Variants in DLC1 observed in about 807,000 individuals in gnomAD.
DLC1 encodes the protein DLC1 Rho GTPase activating protein.
DLC1 carries 54 observed loss-of-function variants against 140.3 expected under a neutral mutation model. The ratio of observed to expected loss-of-function variants is 0.38; its 90% CI spans 0.31 to 0.48. DLC1 has a LOEUF of 0.48. Ranked by LOEUF, DLC1 falls within the 20% of genes least tolerant of loss-of-function variation. The pLI is 0.96. For synonymous variants in DLC1, 986 were observed against 728.1 expected (o/e 1.35, Z -5.70); for missense variants, 2,536 against 1,907.0 (o/e 1.33, Z -6.14).
At chr8:13,134,237 A>C (rs1002846978) in intron 5 of DLC1, among the ~76,000 whole-genome samples, 3 of 152,180 alleles carry the variant, frequency 2.0e-5, no homozygotes, top group Non-Finnish European at 4.4e-5. Flanking sequence ...GATTCCATGA[A>C]AATTTACTTC....
At chr8:13,599,323 A>G (rs1246931360) in intron 1 of DLC1, among the ~76,000 whole-genome samples, 1 of 152,034 alleles carries the variant, frequency 6.6e-6, no homozygotes, top group Non-Finnish European at 1.5e-5. Context: ...CATGTGCCAT[A>G]GAACAATAAT....
rs372027498 is a variant in DLC1 at position 13,094,874 on chromosome 8, G to C, written c.3411C>G (p.Asn1137Lys). Residue 1137 changes from asparagine (N) to lysine (K), a missense_variant, in exon 12 of 18, where the codon AAC becomes AAG. Physicochemically the swap from Asn to Lys is moderately conservative, Grantham distance 94. Transcript: ENST00000276297. ...QMNEGAIDCVNYEGQSAYDVA... is the reference protein window; with the variant it reads ...QMNEGAIDCVKYEGQSAYDVA... ...CGTCATAAGCAGACTGTCCTTCGTA[G>C]TTGACACAGTCTATGGCACCTTCAT... is the stretch of plus-strand genomic sequence containing the variant. 3.0e-5 allele frequency: 48 copies of C among 1,614,214 alleles called. No individual in the cohort carries two copies. The Admixed American group carries it at 3.3e-4, about 11-fold the overall frequency.
chr8:13,545,317 C>CTATA (rs199529541), intron 1 of DLC1, among the ~76,000 whole-genome samples: 3 of 148,592 alleles, frequency 2.0e-5, no homozygotes, highest in Non-Finnish European at 4.5e-5. Context: ...ATATATGCTA[C>CTATA]TATATATATA....
intron 5 of DLC1, chr8:13,214,626 C>A: frequency 1.3e-6 from 1 of 779,710 alleles, no homozygotes; most frequent in Non-Finnish European, 2.4e-6. Flanking sequence ...ACACACCGGC[C>A]TAGGTGATGT....
At chr8:13,496,249 TTATAAA>T (rs1277621542) in intron 2 of DLC1, among the ~76,000 whole-genome samples, 1 of 151,470 alleles carries the variant, frequency 6.6e-6, no homozygotes, top group Non-Finnish European at 1.5e-5. Context: ...GTGAAAAACT[TTATAAA>T]TATTTGTTCA....
intron 2 of DLC1, among the ~76,000 whole-genome samples, chr8:13,466,173 A>T (rs900096965): frequency 1.3e-5 from 2 of 152,132 alleles, no homozygotes; most frequent in Non-Finnish European, 1.5e-5. Context: ...CCCCATGGGA[A>T]TCCTGCTTAG....
chr8:13,119,637 G>C (rs1305256759), intron 5 of DLC1, among the ~76,000 whole-genome samples: 5 of 152,106 alleles, frequency 3.3e-5, no homozygotes, highest in African/African-American at 1.2e-4. Flanking sequence ...AGATAGAGAA[G>C]TAACCACCTC....
At chr8:13,447,625 G>A (rs529742327) in intron 2 of DLC1, among the ~76,000 whole-genome samples, 4 of 152,200 alleles carry the variant, frequency 2.6e-5, no homozygotes, top group South Asian at 4.1e-4. Context: ...GGTAATAAAC[G>A]TTATAATAAA....
intron 2 of DLC1, among the ~76,000 whole-genome samples, chr8:13,468,008 C>G (rs765408951): frequency 3.3e-5 from 5 of 152,172 alleles, no homozygotes; most frequent in Non-Finnish European, 7.4e-5. Flanking sequence ...GACTGACATT[C>G]GTTCTTTTCT....
chr8:13,088,626 G>A lies in DLC1; in HGVS notation c.4153C>T (p.Leu1385=). 2 of 1,614,144 alleles carry A rather than the reference G, an allele frequency of 1.2e-6. No homozygotes were observed. The highest frequency in any genetic ancestry group is 1.7e-6 in the Non-Finnish European group (2 of 1,180,032). ...TCCCAGAGGTGCTGTTCTTTAAGTA[G>A]GCGCTTTAAGATTTCCTCTGGCACA... ...PAVPEEILKR[L]LKEQHLWDVD... Residue 1385 remains leucine (L), a synonymous_variant, in exon 16 of 18, where the codon CTA becomes TTA. Transcript: ENST00000276297.
At chr8:13,449,868 G>A (rs1798961385) in intron 2 of DLC1, among the ~76,000 whole-genome samples, 1 of 151,998 alleles carries the variant, frequency 6.6e-6, no homozygotes, top group African/African-American at 2.4e-5. Flanking sequence ...AGGCTGTGAT[G>A]CAATGTGAAG....
At chr8:13,094,196 C>CT (rs1416973988) in intron 12 of DLC1, among the ~76,000 whole-genome samples, 1 of 152,152 alleles carries the variant, frequency 6.6e-6, no homozygotes, top group Non-Finnish European at 1.5e-5. Flanking sequence ...TAATGAAAGT[C>CT]TAACTTTTCA....
intron 13 of DLC1, 113 bp from the exon 14 acceptor site, chr8:13,091,545 G>T: frequency 1.2e-6 from 1 of 863,964 alleles, no homozygotes; most frequent in Non-Finnish European, 1.7e-6. Flanking sequence ...ACTGGAATCT[G>T]TTTATTGTTA....
intron 4 of DLC1, among the ~76,000 whole-genome samples, chr8:13,349,018 T>C (rs1275168306): frequency 2.6e-5 from 4 of 152,144 alleles, no homozygotes; most frequent in Non-Finnish European, 4.4e-5. Context: ...ACTTTATATG[T>C]AGCACTAAGA....
At chr8:13,150,910 C>T (rs896393796) in intron 5 of DLC1, among the ~76,000 whole-genome samples, 21 of 152,162 alleles carry the variant, frequency 1.4e-4, no homozygotes, top group Non-Finnish European at 2.9e-5. Flanking sequence ...AATAGTGAAG[C>T]TCAGATGTTT....
intron 5 of DLC1, among the ~76,000 whole-genome samples, chr8:13,175,737 G>T (rs1225505844): frequency 6.6e-6 from 1 of 152,004 alleles, no homozygotes; most frequent in Non-Finnish European, 1.5e-5. Flanking sequence ...CTTTTTTCTT[G>T]TCTTGGTAGA....
At chr8:13,534,629 G>GC (rs1331413877) in intron 1 of DLC1, among the ~76,000 whole-genome samples, 1 of 152,054 alleles carries the variant, frequency 6.6e-6, no homozygotes, top group African/African-American at 2.4e-5. Flanking sequence ...TCTAGGAAAA[G>GC]CGCCACTGCT....
At chr8:13,543,096 C>T (rs1360691802) in intron 1 of DLC1, among the ~76,000 whole-genome samples, 1 of 152,052 alleles carries the variant, frequency 6.6e-6, no homozygotes, top group Non-Finnish European at 1.5e-5. Context: ...TGAAAAGGGT[C>T]AATTTTGCTT....
At chr8:13,431,482 CAAAAAAAAAAAAAAAAAAAAA>C (rs56057254) in intron 2 of DLC1, among the ~76,000 whole-genome samples, 2 of 40,596 alleles carry the variant, frequency 4.9e-5, no homozygotes, top group Non-Finnish European at 7.9e-5. Context: ...GACTCCGTCT[CAAAAAAAAAAAAAAAAAAAAA>C]AAAAAAAAAA....
Sources: allele counts gnomAD v4.1 joint callset (sites outside exome capture counted in the v4.1 genomes callset), GRCh38; gene constraint gnomAD v4.1.1; transcripts MANE v1.5; gene names NCBI Gene and HGNC (gene_info 2026-07-23, HGNC 2026-07-21).